The following IKZF3 variants were observed in gnomAD, a reference collection of about 807,000 sequenced individuals.
IKZF3 encodes the protein zinc finger protein Aiolos.
In IKZF3, 10 loss-of-function variants were observed where a neutral mutation model predicts 49.0. The ratio of observed to expected loss-of-function variants is 0.20; its 90% CI spans 0.13 to 0.35. The LOEUF is 0.35. Among genes scored for constraint, IKZF3 ranks in the 10% least tolerant of loss-of-function variants. The probability of loss-of-function intolerance (pLI) is 1.00; values close to 1 mark genes in which losing one functional copy is unlikely to be tolerated. For synonymous variants in IKZF3, 209 were observed against 228.2 expected (o/e 0.92, Z 0.76); for missense variants, 498 against 664.8 (o/e 0.75, Z 2.76).
At chr17:39,805,043 T>C (rs1424492262) in intron 3 of IKZF3, among the ~76,000 whole-genome samples, 1 of 152,192 alleles carries the variant, frequency 6.6e-6, no homozygotes, top group Non-Finnish European at 1.5e-5. Context: ...ACTCAACAAG[T>C]TGCAAACAAG....
At chr17:39,839,329 G>A (rs1292563613) in intron 1 of IKZF3, 5 of 521,372 alleles carry the variant, frequency 9.6e-6, no homozygotes, top group Admixed American at 7.8e-5. Flanking sequence ...TTGTGACCTT[G>A]AGACAGCATA....
intron 3 of IKZF3, among the ~76,000 whole-genome samples, chr17:39,801,870 A>T (rs2061326185): frequency 6.6e-6 from 1 of 152,220 alleles, no homozygotes; most frequent in South Asian, 2.1e-4. Flanking sequence ...GACGTCTGTT[A>T]ATTTTGAAAA....
At chr17:39,766,970 G>T (rs2143579965) in intron 7 of IKZF3, among the ~76,000 whole-genome samples, 1 of 152,140 alleles carries the variant, frequency 6.6e-6, no homozygotes, top group Admixed American at 6.5e-5. Flanking sequence ...GGACAGAAGT[G>T]CTGCAAAGAG....
intron 1 of IKZF3, among the ~76,000 whole-genome samples, chr17:39,850,447 A>ATAC (rs528792070): frequency 0.024 from 2,975 of 126,198 alleles, 46 homozygotes; most frequent in African/African-American, 0.045. Context: ...TATATAGTAT[A>ATAC]AATATATAGC....
chr17:39,813,935 G>A (rs570746274), intron 3 of IKZF3, among the ~76,000 whole-genome samples: 26 of 152,330 alleles, frequency 1.7e-4, no homozygotes, highest in Admixed American at 3.9e-4. Context: ...GTGCCTAAGC[G>A]AGGCTGACGC....
intron 1 of IKZF3, among the ~76,000 whole-genome samples, chr17:39,834,237 C>A (rs1420735278): frequency 6.6e-6 from 1 of 152,142 alleles, no homozygotes; most frequent in Non-Finnish European, 1.5e-5. Flanking sequence ...GGGTAGGAGG[C>A]ATATATCTAG....
intron 3 of IKZF3, among the ~76,000 whole-genome samples, chr17:39,807,621 A>G (rs1474959638): frequency 4.2e-5 from 5 of 117,844 alleles, no homozygotes; most frequent in African/African-American, 1.0e-4. Context: ...CTGAGGTGGG[A>G]GGATCACTTG....
intron 6 of IKZF3, among the ~76,000 whole-genome samples, chr17:39,787,142 A>G (rs1486272805): frequency 1.3e-5 from 2 of 152,250 alleles, no homozygotes; most frequent in Non-Finnish European, 2.9e-5. Flanking sequence ...CCTATTCTAA[A>G]TAAGCAATTG....
At chr17:39,781,025 T>C (rs2060728974) in intron 6 of IKZF3, among the ~76,000 whole-genome samples, 1 of 152,162 alleles carries the variant, frequency 6.6e-6, no homozygotes, top group African/African-American at 2.4e-5. Flanking sequence ...GGGGCCTGAG[T>C]GGCTTTTGGG....
chr17:39,796,543 T>G (rs1005149416), intron 3 of IKZF3, among the ~76,000 whole-genome samples: 2 of 117,622 alleles, frequency 1.7e-5, no homozygotes, highest in Non-Finnish European at 3.4e-5. Context: ...CATTCCTTTC[T>G]TTTTTTTTTT....
At chr17:39,791,101 A>G (rs2061008160) in intron 5 of IKZF3, among the ~76,000 whole-genome samples, 1 of 151,298 alleles carries the variant, frequency 6.6e-6, no homozygotes, top group African/African-American at 2.4e-5. Context: ...AAAGTTTACC[A>G]GAAGAAAATA....
chr17:39,829,325 T>C, intron 3 of IKZF3, 62 bp downstream of exon 3: 1 of 1,151,024 alleles, frequency 8.7e-7, no homozygotes, highest in Non-Finnish European at 1.3e-6. Context: ...TGATTTCTTC[T>C]CTACACTAAG....
At chr17:39,829,171 T>C (rs1293361584) in intron 3 of IKZF3, among the ~76,000 whole-genome samples, 1 of 152,236 alleles carries the variant, frequency 6.6e-6, no homozygotes, top group Non-Finnish European at 1.5e-5. Context: ...TAAGTGAAGT[T>C]AATATAATTG....
intron 1 of IKZF3, among the ~76,000 whole-genome samples, chr17:39,861,823 T>C (rs889055303): frequency 6.6e-6 from 1 of 152,342 alleles, no homozygotes; most frequent in East Asian, 1.9e-4. Flanking sequence ...TATGATCTGA[T>C]GGTGAGAACA....
chr17:39,806,570 T>G (rs994883875), intron 3 of IKZF3, among the ~76,000 whole-genome samples: 1 of 152,080 alleles, frequency 6.6e-6, no homozygotes, highest in Non-Finnish European at 1.5e-5. Flanking sequence ...ATGGCTACTA[T>G]AAAAAAGACA....
At chr17:39,813,483 G>GA (rs562486062) in intron 3 of IKZF3, among the ~76,000 whole-genome samples, 3,781 of 145,278 alleles carry the variant, frequency 0.026, 67 homozygotes, top group Non-Finnish European at 0.039. Flanking sequence ...CGTATCTACA[G>GA]AAAAAAAAAA....
intron 3 of IKZF3, among the ~76,000 whole-genome samples, chr17:39,813,225 T>C (rs2061602641): frequency 6.6e-6 from 1 of 151,954 alleles, no homozygotes; most frequent in African/African-American, 2.4e-5. Context: ...CCATTGCAAC[T>C]GTCTGTGGCT....
intron 1 of IKZF3, among the ~76,000 whole-genome samples, chr17:39,834,716 T>G (rs1005003859): frequency 6.6e-6 from 1 of 152,242 alleles, no homozygotes; most frequent in African/African-American, 2.4e-5. Context: ...TTGTTTGTTT[T>G]GTTTTGCTTT....
chr17:39,862,369 A>G (rs1201907825), intron 1 of IKZF3, among the ~76,000 whole-genome samples: 1 of 152,148 alleles, frequency 6.6e-6, no homozygotes, highest in Non-Finnish European at 1.5e-5. Context: ...TATTCCATGA[A>G]GTATTCTACT....
Sources: allele counts gnomAD v4.1 joint callset (sites outside exome capture counted in the v4.1 genomes callset), GRCh38; gene constraint gnomAD v4.1.1; transcripts MANE v1.5; gene names NCBI Gene and HGNC (gene_info 2026-07-23, HGNC 2026-07-21).